PARD3B: variants seen among roughly 807,000 people sequenced by gnomAD.
PARD3B encodes par-3 family cell polarity regulator beta.
PARD3B carries 103 observed loss-of-function variants against 130.2 expected under a neutral mutation model. That is an observed-to-expected ratio of 0.79 (90% CI 0.67 to 0.93). The LOEUF (loss-of-function observed/expected upper bound fraction) is 0.93. Ranked by LOEUF, PARD3B falls within the 40% of genes least tolerant of loss-of-function variation. The pLI, the probability that PARD3B is intolerant of heterozygous loss-of-function variation, is 0.00. For synonymous variants in PARD3B, 583 were observed against 553.2 expected, an observed-to-expected ratio of 1.05 and a Z score of -0.76; for missense variants, 1,609 against 1,499.2, an observed-to-expected ratio of 1.07 and a Z score of -1.21.
chr2:205,027,274 T>A (rs1490958498), intron 3 of PARD3B, among the ~76,000 whole-genome samples: 1 of 152,146 alleles, frequency 6.6e-6, no homozygotes, highest in African/African-American at 2.4e-5. Flanking sequence ...TGAGGTGATA[T>A]CTCATTGTGG....
chr2:205,345,591 C>A (rs1300379538), intron 18 of PARD3B, among the ~76,000 whole-genome samples: 2 of 151,702 alleles, frequency 1.3e-5, no homozygotes, highest in African/African-American at 4.8e-5. Context: ...AGAACCTCCC[C>A]CAGTCCATGC....
chr2:205,245,669 C>T (rs2039540487), intron 15 of PARD3B, 109 bp from the exon 16 acceptor site: 3 of 833,636 alleles, frequency 3.6e-6, no homozygotes, highest in South Asian at 2.2e-5. Flanking sequence ...TCTCAAATCT[C>T]TGCCAGTAAA....
intron 18 of PARD3B, among the ~76,000 whole-genome samples, chr2:205,312,256 A>C (rs989549478): frequency 6.6e-6 from 1 of 152,184 alleles, no homozygotes; most frequent in Non-Finnish European, 1.5e-5. Flanking sequence ...CAGGCCAATG[A>C]AATTTTAACA....
Position 205,525,882 on chromosome 2 carries a change from C to G in PARD3B, c.3180+25851C>G, listed in dbSNP as rs1198295849. 6.6e-6 allele frequency among the ~76,000 whole-genome samples: 1 copy of G among 152,192 alleles called. No homozygotes were observed. The highest frequency in any genetic ancestry group is 1.9e-4 in the East Asian group (1 of 5,192). On this transcript the variant is annotated intron_variant, in intron 21 of 22. Transcript: ENST00000406610. This position sits in a 1 kb window ranked among gnomAD's most constrained non-coding sequence, Gnocchi z 4.2. ...TTGTGTACCCAGTCCCGGGAAGGTG[C>G]AAGAAAATCTGATCCTTTTTCAAAA...
chr2:205,381,252 TTATATA>T (rs144098776), intron 18 of PARD3B, among the ~76,000 whole-genome samples: 28,586 of 136,294 alleles, frequency 0.21, 3,541 homozygotes, highest in African/African-American at 0.33. Flanking sequence ...AGAATATATG[TTATATA>T]TATAATATAT....
chr2:204,959,341 G>A (rs905348777), intron 2 of PARD3B, among the ~76,000 whole-genome samples: 3 of 152,142 alleles, frequency 2.0e-5, no homozygotes, highest in African/African-American at 7.2e-5. Context: ...GTATTCCATT[G>A]TGTATATGTG....
chr2:205,299,971 C>T (rs79117270), intron 16 of PARD3B, among the ~76,000 whole-genome samples: 412 of 152,244 alleles, frequency 2.7e-3, no homozygotes, highest in Non-Finnish European at 4.1e-3. Context: ...TTAGAAAAAT[C>T]ACAGTCACTT....
At chr2:205,191,521 T>C (rs2036397898) in intron 14 of PARD3B, among the ~76,000 whole-genome samples, 1 of 152,100 alleles carries the variant, frequency 6.6e-6, no homozygotes, top group Non-Finnish European at 1.5e-5. Context: ...GCACAGGTAA[T>C]GGGAAAAACT....
At chr2:204,589,930 T>G (rs1393282801) in intron 1 of PARD3B, among the ~76,000 whole-genome samples, 1 of 152,152 alleles carries the variant, frequency 6.6e-6, no homozygotes, top group Non-Finnish European at 1.5e-5. Context: ...TTCTGGAGAA[T>G]TAGAGCTTTG....
intron 1 of PARD3B, among the ~76,000 whole-genome samples, chr2:204,636,802 G>GT (rs1160512897): frequency 6.6e-6 from 1 of 151,962 alleles, no homozygotes; most frequent in African/African-American, 2.4e-5. Flanking sequence ...ACCCTGTACT[G>GT]TTTTACAACT....
At position 204,935,299 on chromosome 2, in the gene PARD3B, G is replaced by A. The variant is rs925377076; in HGVS notation, c.223-29853G>A. ...AATCCCAGCACTTTGGGAGGCCAAG[G>A]CGGGCGGATCACAAGGTCAGGAGAT... On this transcript the variant is annotated intron_variant, in intron 2 of 22. Coordinates refer to ENST00000406610, the MANE Select transcript of PARD3B (RefSeq NM_001302769.2). Among the ~76,000 whole-genome samples, 3 of 151,158 alleles carry A rather than the reference G, an allele frequency of 2.0e-5. 1 individual carries two copies. The highest frequency in any genetic ancestry group is 4.2e-4 in the South Asian group (2 of 4,802).
Position 204,998,335 on chromosome 2 carries a change from T to TATAC in PARD3B, c.394+33015_394+33016insCATA, listed in dbSNP as rs1553586589. On this transcript the variant is annotated intron_variant, in intron 3 of 22. Transcript: ENST00000406610. ...AAGTATATATATATATATATATATA[T>TATAC]ATATATATATATATATATATATATG... Among the ~76,000 whole-genome samples, 56 of 62,234 alleles carry TATAC rather than the reference T, an allele frequency of 9.0e-4. 5 individuals are homozygous for TATAC. The highest frequency in any genetic ancestry group is 3.0e-3 in the South Asian group (7 of 2,354). The allele number at this position is 62,234 out of a possible 152,430, so 40.8% of individuals were successfully genotyped here. A position where few individuals can be genotyped will look rare whatever the true frequency, so the allele number is the denominator to read the frequency against.
At chr2:204,672,119 CA>C (rs1049849111) in intron 1 of PARD3B, among the ~76,000 whole-genome samples, 6 of 152,112 alleles carry the variant, frequency 3.9e-5, no homozygotes, top group African/African-American at 1.4e-4. Context: ...TCATTGTAGG[CA>C]ATACTACATT....
chr2:204,838,694 T>C (rs2044150573), intron 2 of PARD3B, among the ~76,000 whole-genome samples: 2 of 152,144 alleles, frequency 1.3e-5, no homozygotes, highest in South Asian at 4.1e-4. Flanking sequence ...ATATTTCACA[T>C]AGCTATTAGA....
intron 18 of PARD3B, among the ~76,000 whole-genome samples, chr2:205,382,163 C>T (rs1041704922): frequency 6.6e-6 from 1 of 152,026 alleles, no homozygotes; most frequent in South Asian, 2.1e-4. Flanking sequence ...AGTATCTAAT[C>T]CAGGATACAA....
intron 3 of PARD3B, among the ~76,000 whole-genome samples, chr2:205,024,741 C>T (rs1226122116): frequency 4.6e-5 from 7 of 152,176 alleles, no homozygotes; most frequent in African/African-American, 1.7e-4. Context: ...GTTTCCAGAG[C>T]AGATTATGCA....
At position 205,359,868 on chromosome 2, in the gene PARD3B, C is replaced by G. The variant is rs553011483; in HGVS notation, c.2631-41145C>G. ...AATGGAACTGAGGAAATTTCTCTGGCTTGGAATCATGGGAGCCATAGAATA... is the reference window on the plus strand; with the variant it reads ...AATGGAACTGAGGAAATTTCTCTGGGTTGGAATCATGGGAGCCATAGAATA... On this transcript the variant is annotated intron_variant, in intron 18 of 22. Coordinates refer to ENST00000406610, the MANE Select transcript of PARD3B (RefSeq NM_001302769.2). 2.6e-5 allele frequency among the ~76,000 whole-genome samples: 4 copies of G among 152,220 alleles called. No homozygotes were observed. In the East Asian group the frequency reaches 5.8e-4, roughly 22 times the overall value.
chr2:204,601,502 T>A (rs2033511759), intron 1 of PARD3B, among the ~76,000 whole-genome samples: 1 of 152,040 alleles, frequency 6.6e-6, no homozygotes. Flanking sequence ...GATTATGGTA[T>A]GTGATATGAA....
intron 2 of PARD3B, among the ~76,000 whole-genome samples, chr2:204,853,631 T>C (rs1486250527): frequency 6.6e-6 from 1 of 151,262 alleles, no homozygotes; most frequent in Non-Finnish European, 1.5e-5. Flanking sequence ...AAATGAGTGA[T>C]GAACGAACTT....
Sources: allele counts gnomAD v4.1 joint callset (sites outside exome capture counted in the v4.1 genomes callset), GRCh38; gene constraint gnomAD v4.1.1; non-coding constraint Gnocchi (gnomAD v3.1); transcripts MANE v1.5; gene names NCBI Gene and HGNC (gene_info 2026-07-23, HGNC 2026-07-21).